Variants in CHD6 observed in about 807,000 individuals in gnomAD.
CHD6 encodes chromodomain helicase DNA binding protein 6, also known as ATP-dependent chromatin remodeler CHD6.
CHD6 carries 50 observed loss-of-function variants against 276.9 expected under a neutral mutation model. The observed-to-expected ratio is 0.18, with a 90% CI of 0.14 to 0.23. CHD6 has a LOEUF of 0.23. Ranked by LOEUF, CHD6 falls within the 10% of genes least tolerant of loss-of-function variation. CHD6 has a pLI of 1.00. For missense variants in CHD6, 2,564 were observed against 3,365.8 expected, an observed-to-expected ratio of 0.76 and a Z score of 5.89; for synonymous variants, 1,173 against 1,229.3, an observed-to-expected ratio of 0.95 and a Z score of 0.96.
intron 1 of CHD6, among the ~76,000 whole-genome samples, chr20:41,565,440 A>T (rs1252955825): frequency 6.6e-6 from 1 of 152,206 alleles, no homozygotes; most frequent in Non-Finnish European, 1.5e-5. Flanking sequence ...GGTATTGGCA[A>T]GAGGCATCAG....
intron 17 of CHD6, among the ~76,000 whole-genome samples, chr20:41,458,970 G>A (rs943795398): frequency 6.6e-6 from 1 of 152,132 alleles, no homozygotes; most frequent in Non-Finnish European, 1.5e-5. Flanking sequence ...CAAGTCTGGA[G>A]CCTTGGACTT....
At chr20:41,487,898 C>A in intron 13 of CHD6, 90 bp from the exon 14 acceptor site, 1 of 1,378,566 alleles carries the variant, frequency 7.3e-7, no homozygotes, top group Non-Finnish European at 1.0e-6. Context: ...GCATTGAGTG[C>A]TCAATTTGGG....
chr20:41,499,464 C>T, intron 5 of CHD6, 107 bp from the exon 6 acceptor site: 2 of 862,252 alleles, frequency 2.3e-6, no homozygotes, highest in Non-Finnish European at 1.7e-6. Context: ...AAAAGTTCAC[C>T]TTTGAGTACC....
At chr20:41,476,506 A>G (rs2043170660) in intron 16 of CHD6, among the ~76,000 whole-genome samples, 1 of 152,138 alleles carries the variant, frequency 6.6e-6, no homozygotes, top group Admixed American at 6.6e-5. Context: ...AAAAAAGAAA[A>G]CCAAAAAAGC....
intron 2 of CHD6, among the ~76,000 whole-genome samples, chr20:41,539,220 C>T (rs2044893303): frequency 6.6e-6 from 1 of 152,206 alleles, no homozygotes; most frequent in African/African-American, 2.4e-5. Context: ...TTCTCACTGG[C>T]TCTGTGAGGT....
intron 27 of CHD6, among the ~76,000 whole-genome samples, chr20:41,434,199 C>T (rs2047630557): frequency 6.6e-6 from 1 of 152,014 alleles, no homozygotes; most frequent in African/African-American, 2.4e-5. Context: ...ACAATAAAGG[C>T]AGGTTAAAAG....
intron 2 of CHD6, among the ~76,000 whole-genome samples, chr20:41,542,516 C>A (rs6029719): frequency 3.6e-4 from 55 of 151,716 alleles, no homozygotes; most frequent in African/African-American, 1.3e-3. Flanking sequence ...CATGGTAAAA[C>A]CCCGTCTCTA....
At chr20:41,423,889 A>G (rs2294574) in intron 29 of CHD6, among the ~76,000 whole-genome samples, 189 bp from the exon 30 acceptor site, 50,486 of 152,072 alleles carry the variant, frequency 0.33, 8,728 homozygotes, top group African/African-American at 0.42. Context: ...CCTATTATCC[A>G]ACTCCCAAAG....
chr20:41,420,657 T>A lies in CHD6; in HGVS notation c.5978A>T (p.His1993Leu), dbSNP rs1055614264. 1.9e-6 allele frequency: 3 copies of A among 1,614,130 alleles called. No homozygotes were observed. The African/African-American group carries it at 4.0e-5, about 22-fold the overall frequency. The change falls in exon 31 of 37, where the codon CAT (histidine) becomes CTT (leucine). Residue 1993 changes from histidine to leucine, a missense_variant. His to Leu is a moderately conservative substitution (Grantham distance 99, BLOSUM62 -3). This residue lies in a region of CHD6 where 1,024 missense variants were observed against 1,047.9 expected (regional missense o/e 0.98). Coordinates refer to ENST00000373233, the MANE Select transcript of CHD6 (RefSeq NM_032221.5). ...AIPSQPFKVK[H>L]ELLKEPWKES... is the part of the protein sequence containing the mutation. ...TTTCCAAGGTTCTTTTAAAAGCTCA[T>A]GCTTCACTTTAAACGGCTGTGATGG... is the stretch of plus-strand genomic sequence containing the variant.
chr20:41,454,503 T>C, intron 20 of CHD6, 123 bp downstream of exon 20: 1 of 680,752 alleles, frequency 1.5e-6, no homozygotes, highest in Non-Finnish European at 2.5e-6. Context: ...ATTTTAAGCA[T>C]GGTACAAATA....
In CHD6 at chr20:41,498,240, C is replaced by G. The variant is rs766088999; in HGVS notation, c.916-14G>C. ...TCCTGGGTGAACCTGTAACAAACAG[C>G]AAGCAGTTATCAGCCCAGATCCCAG... On this transcript the variant is annotated splice_polypyrimidine_tract_variant and intron_variant, in intron 6 of 36. Coordinates refer to ENST00000373233, the MANE Select transcript of CHD6 (RefSeq NM_032221.5). 4 of 1,606,930 alleles carry G rather than the reference C, an allele frequency of 2.5e-6. No individual in the cohort carries two copies. In the South Asian group the frequency reaches 3.3e-5, roughly 13 times the overall value.
chr20:41,536,413 T>C lies in CHD6; in HGVS notation c.34-2843A>G, dbSNP rs78033120. 4.6e-3 allele frequency among the ~76,000 whole-genome samples: 706 copies of C among 152,270 alleles called. 6 individuals are homozygous for C. The highest frequency in any genetic ancestry group is 9.3e-3 in the South Asian group (45 of 4,824). On this transcript the variant is annotated intron_variant, in intron 2 of 36. Transcript: ENST00000373233. ...ATTCCTGGAAAAGACACTTAAAGAC[T>C]TGAATCTAGATAAACTGGATCAGGT...
chr20:41,504,551 A>T (rs1175468309), intron 5 of CHD6, among the ~76,000 whole-genome samples: 1 of 151,950 alleles, frequency 6.6e-6, no homozygotes, highest in East Asian at 1.9e-4. Flanking sequence ...CTGGGACTAC[A>T]GGCACAAGCC....
chr20:41,426,401 G>T (rs1004159536), intron 27 of CHD6, among the ~76,000 whole-genome samples: 1 of 152,092 alleles, frequency 6.6e-6, no homozygotes, highest in South Asian at 2.1e-4. Flanking sequence ...TGCCTGTAGA[G>T]AATCGGCTTG....
intron 1 of CHD6, among the ~76,000 whole-genome samples, chr20:41,608,076 T>C (rs112407605): frequency 3.8e-4 from 58 of 152,314 alleles, no homozygotes; most frequent in African/African-American, 1.3e-3. Flanking sequence ...CACTCAGTGA[T>C]TGACAGCTAT....
intron 16 of CHD6, among the ~76,000 whole-genome samples, chr20:41,480,825 A>G (rs967568729): frequency 2.0e-5 from 3 of 152,196 alleles, no homozygotes; most frequent in Non-Finnish European, 4.4e-5. Context: ...ATAGAATGAT[A>G]TGGCTCTTTA....
chr20:41,453,224 C>A (rs1013320692), intron 20 of CHD6, among the ~76,000 whole-genome samples: 5 of 145,212 alleles, frequency 3.4e-5, no homozygotes, highest in Admixed American at 1.3e-4. Context: ...GCAGGCAAGG[C>A]CCCCCCCCAG....
intron 3 of CHD6, among the ~76,000 whole-genome samples, chr20:41,530,527 G>A (rs532666356): frequency 3.3e-5 from 5 of 151,928 alleles, no homozygotes; most frequent in African/African-American, 1.2e-4. Flanking sequence ...AAAAAACTAA[G>A]GCTTAATTAC....
intron 1 of CHD6, among the ~76,000 whole-genome samples, chr20:41,602,457 T>A (rs1257280430): frequency 6.6e-6 from 1 of 152,192 alleles, no homozygotes. Context: ...GGAGTAAAAC[T>A]GCCAGTTTGC....
Sources: allele counts gnomAD v4.1 joint callset (sites outside exome capture counted in the v4.1 genomes callset), GRCh38; gene constraint gnomAD v4.1.1; regional missense constraint gnomAD v4.1.1; transcripts MANE v1.5; gene names NCBI Gene and HGNC (gene_info 2026-07-23, HGNC 2026-07-21).